Variants in MKLN1 observed in about 807,000 individuals in gnomAD.
MKLN1 encodes muskelin 1.
In MKLN1, 18 loss-of-function variants were observed where a neutral mutation model predicts 99.0. That is an observed-to-expected ratio of 0.18 (90% CI 0.13 to 0.27). The LOEUF (loss-of-function observed/expected upper bound fraction) is 0.27. Ranked by LOEUF, MKLN1 falls within the 10% of genes least tolerant of loss-of-function variation. MKLN1 has a pLI of 1.00. For synonymous variants in MKLN1, 288 were observed against 293.2 expected (o/e 0.98, Z 0.18); for missense variants, 621 against 875.9 (o/e 0.71, Z 3.67).
At chr7:131,470,818 A>ACG in intron 15 of MKLN1, 24 bp from the exon 16 acceptor site, 6 of 1,431,040 alleles carry the variant, frequency 4.2e-6, no homozygotes, top group Non-Finnish European at 4.9e-6. Flanking sequence ...ACTCCAGATA[A>ACG]TTATCCTTGT....
At chr7:131,448,366 TCGA>T (rs1796078814) in intron 12 of MKLN1, among the ~76,000 whole-genome samples, 1 of 152,236 alleles carries the variant, frequency 6.6e-6, no homozygotes, top group South Asian at 2.1e-4. Context: ...ATGTACAGTA[TCGA>T]CAATTATTCT....
chr7:131,349,201 C>T (rs1584633874), intron 1 of MKLN1, among the ~76,000 whole-genome samples: 1 of 148,144 alleles, frequency 6.8e-6, no homozygotes, highest in Non-Finnish European at 1.5e-5. Context: ...TTAAATCTAT[C>T]TTTTTTTTTT....
At position 131,486,095 on chromosome 7, in the gene MKLN1, C is replaced by CAG. The variant is rs141739452; in HGVS notation, c.2087-1492_2087-1491dup. ...AGTGGGGTACACACATGGAGAGAGA[C>CAG]AGAGAGAGAGAGAGAGAGAGAACAT... On this transcript the variant is annotated intron_variant, in intron 17 of 17. Transcript: ENST00000352689. Among the ~76,000 whole-genome samples the CAG allele has an allele frequency of 1.7e-3, 249 of 147,736 alleles. 2 individuals carry two copies. Among genetic ancestry groups the CAG allele is most frequent in the Middle Eastern group, 0.011 (3 of 280 alleles).
chr7:131,373,750 C>T (rs779296866), intron 1 of MKLN1, among the ~76,000 whole-genome samples: 21 of 152,138 alleles, frequency 1.4e-4, no homozygotes, highest in Non-Finnish European at 2.8e-4. Context: ...TACCATGGTA[C>T]GTTTGTCACA....
chr7:131,395,965 G>A (rs556009964), intron 4 of MKLN1, among the ~76,000 whole-genome samples: 1 of 151,768 alleles, frequency 6.6e-6, no homozygotes, highest in Admixed American at 6.6e-5. Flanking sequence ...ATTATAAATA[G>A]GACTTTTTTG....
chr7:131,158,158 T>C (rs1013333361), intron 2 of MKLN1, among the ~76,000 whole-genome samples: 3 of 152,156 alleles, frequency 2.0e-5, no homozygotes, highest in Non-Finnish European at 2.9e-5. Context: ...TTGAGACTTC[T>C]TGTTAGGCCA....
At chr7:131,210,839 C>T (rs73149866) in intron 3 of MKLN1, among the ~76,000 whole-genome samples, 28,368 of 138,268 alleles carry the variant, frequency 0.21, 3,262 homozygotes, top group East Asian at 0.5. Flanking sequence ...AGCTGACCAT[C>T]AACATATAAG....
chr7:131,424,098 A>G (rs1377673613), intron 8 of MKLN1, among the ~76,000 whole-genome samples: 1 of 152,244 alleles, frequency 6.6e-6, no homozygotes, highest in Non-Finnish European at 1.5e-5. Context: ...TTCTGTCTTC[A>G]AAAATTGTCA....
intron 3 of MKLN1, among the ~76,000 whole-genome samples, chr7:131,299,438 G>A (rs531089391): frequency 3.0e-4 from 46 of 152,256 alleles, no homozygotes; most frequent in African/African-American, 8.4e-4. Context: ...TTTAAGGAGT[G>A]CTAACTATGA....
chr7:131,436,783 TA>T (rs1394881541), intron 9 of MKLN1, among the ~76,000 whole-genome samples: 3 of 152,202 alleles, frequency 2.0e-5, no homozygotes, highest in African/African-American at 7.2e-5. Flanking sequence ...TATACTACAA[TA>T]TTTTTTATGT....
At chr7:131,179,790 G>A (rs1796353362) in intron 2 of MKLN1, among the ~76,000 whole-genome samples, 1 of 152,068 alleles carries the variant, frequency 6.6e-6, no homozygotes, top group Non-Finnish European at 1.5e-5. Flanking sequence ...TAGCCAGGGT[G>A]GTCTTGATCT....
chr7:131,137,133 G>T (rs1795660525), intron 1 of MKLN1, among the ~76,000 whole-genome samples: 1 of 152,156 alleles, frequency 6.6e-6, no homozygotes, highest in African/African-American at 2.4e-5. Context: ...GGTTACAGGT[G>T]CGAGCCATCA....
intron 3 of MKLN1, among the ~76,000 whole-genome samples, chr7:131,259,998 T>C (rs13221233): frequency 0.55 from 83,554 of 151,890 alleles, 24,724 homozygotes; most frequent in Admixed American, 0.69. Flanking sequence ...ATCTGATAAA[T>C]AACCTCAGCA....
In MKLN1 at chr7:131,439,451, G is replaced by A. The variant is rs116998062; in HGVS notation, c.1173+1454G>A. Among the ~76,000 whole-genome samples, 12 of 152,268 alleles carry A rather than the reference G, an allele frequency of 7.9e-5. No homozygotes were observed. The East Asian group carries it at 2.3e-3, about 29-fold the overall frequency. On this transcript the variant is annotated intron_variant, in intron 10 of 17. Transcript: ENST00000352689. ...TTTCAACTGGTTAGATGGTACAGCA[G>A]AACACTGGGGGTGAAGAAACAAGGA...
At chr7:131,268,006 CA>C (rs1182222003) in intron 3 of MKLN1, among the ~76,000 whole-genome samples, 1 of 151,976 alleles carries the variant, frequency 6.6e-6, no homozygotes, top group African/African-American at 2.4e-5. Flanking sequence ...CCATGTTTAA[CA>C]AAAGACAAAA....
At chr7:131,229,042 A>G (rs939321159) in intron 3 of MKLN1, among the ~76,000 whole-genome samples, 1 of 152,232 alleles carries the variant, frequency 6.6e-6, no homozygotes, top group Non-Finnish European at 1.5e-5. Context: ...GGTTACAGGC[A>G]TAGACATAAA....
intron 2 of MKLN1, among the ~76,000 whole-genome samples, chr7:131,202,017 T>C (rs538945399): frequency 6.6e-6 from 1 of 152,270 alleles, no homozygotes; most frequent in South Asian, 2.1e-4. Context: ...AAATTTAAAA[T>C]GACTAGGGTC....
At chr7:131,133,842 T>TGAGATGAAG (rs1795605321) in intron 1 of MKLN1, among the ~76,000 whole-genome samples, 1 of 140,060 alleles carries the variant, frequency 7.1e-6, no homozygotes, top group Admixed American at 7.5e-5. Context: ...TTTTTTTTTT[T>TGAGATGAAG]TTTTGAGACG....
intron 3 of MKLN1, among the ~76,000 whole-genome samples, chr7:131,286,314 A>G (rs11766585): frequency 0.037 from 5,670 of 152,312 alleles, 138 homozygotes; most frequent in Non-Finnish European, 0.055. Context: ...AAAGTTCCTA[A>G]GAAGATATCA....
Sources: gnomAD v4.1 joint callset for allele counts (sites outside exome capture counted in the v4.1 genomes callset) on GRCh38, gnomAD v4.1.1 for gene constraint, MANE v1.5 for transcripts, NCBI Gene and HGNC (gene_info 2026-07-23, HGNC 2026-07-21) for gene names.